ZNF609: variants seen among roughly 807,000 people sequenced by gnomAD.
ZNF609 encodes the protein zinc finger protein 609.
ZNF609 carries 11 observed loss-of-function variants against 109.5 expected under a neutral mutation model. That is an observed-to-expected ratio of 0.10 (90% confidence interval 0.06 to 0.17). The LOEUF is 0.17. Among genes scored for constraint, ZNF609 ranks in the 10% least tolerant of loss-of-function variants. ZNF609 has a pLI of 1.00. For synonymous variants in ZNF609, 646 were observed against 662.0 expected (o/e 0.98, Z 0.37); for missense variants, 1,559 against 1,772.4 (o/e 0.88, Z 2.16).
chr15:64,547,211 C>G (rs1326486866), intron 2 of ZNF609, among the ~76,000 whole-genome samples: 1 of 152,154 alleles, frequency 6.6e-6, no homozygotes, highest in Non-Finnish European at 1.5e-5. Context: ...TGTCAATTAG[C>G]CCTTATTTCT....
At chr15:64,612,282 G>C (rs1256345156) in intron 2 of ZNF609, among the ~76,000 whole-genome samples, 1 of 150,854 alleles carries the variant, frequency 6.6e-6, no homozygotes, top group African/African-American at 2.4e-5. Flanking sequence ...CGAGTAGCTG[G>C]GACTACAGGT....
At chr15:64,562,418 C>T (rs1280713334) in intron 2 of ZNF609, among the ~76,000 whole-genome samples, 1 of 152,170 alleles carries the variant, frequency 6.6e-6, no homozygotes, top group Non-Finnish European at 1.5e-5. Flanking sequence ...TAGAAAGAAG[C>T]AGAAGTTGAT....
intron 2 of ZNF609, among the ~76,000 whole-genome samples, chr15:64,616,544 G>A (rs1309990435): frequency 8.1e-6 from 1 of 122,972 alleles, no homozygotes; most frequent in Non-Finnish European, 1.6e-5. Flanking sequence ...TTTTGAGATG[G>A]AGTCTCACTC....
At chr15:64,676,367 G>C (rs1034367569) in intron 5 of ZNF609, 111 bp downstream of exon 5, 5 of 932,328 alleles carry the variant, frequency 5.4e-6, no homozygotes, top group Non-Finnish European at 7.8e-6. Context: ...ATTAGCAGGA[G>C]AGATGTATAA....
intron 3 of ZNF609, among the ~76,000 whole-genome samples, chr15:64,643,441 G>A (rs780117566): frequency 1.3e-5 from 2 of 152,048 alleles, no homozygotes; most frequent in Admixed American, 6.6e-5. Flanking sequence ...CCCTTACTCC[G>A]AACATCAGTA....
intron 2 of ZNF609, among the ~76,000 whole-genome samples, chr15:64,506,359 G>A (rs372247113): frequency 2.1e-4 from 32 of 151,312 alleles, no homozygotes; most frequent in East Asian, 1.8e-3. Context: ...CTGGGCTCAA[G>A]TGATCCACCC....
intron 3 of ZNF609, among the ~76,000 whole-genome samples, chr15:64,629,073 C>T (rs1292740991): frequency 6.6e-6 from 1 of 152,206 alleles, no homozygotes; most frequent in East Asian, 1.9e-4. Context: ...TTGAAACTCT[C>T]CTCTCTTGCC....
intron 2 of ZNF609, among the ~76,000 whole-genome samples, chr15:64,564,204 T>C (rs1385591284): frequency 6.6e-6 from 1 of 151,686 alleles, no homozygotes; most frequent in Admixed American, 6.6e-5. Flanking sequence ...GCTGTGTTGG[T>C]TATCAGATCA....
chr15:64,586,729 A>G (rs1475854067), intron 2 of ZNF609, among the ~76,000 whole-genome samples: 1 of 152,096 alleles, frequency 6.6e-6, no homozygotes. Context: ...CCACTGCTTT[A>G]TAGGAATACT....
intron 2 of ZNF609, among the ~76,000 whole-genome samples, chr15:64,613,308 C>G (rs1032905685): frequency 2.6e-5 from 4 of 151,544 alleles, no homozygotes; most frequent in African/African-American, 9.7e-5. Context: ...GACCCTGTCT[C>G]AGAAAAAAAA....
At chr15:64,542,751 C>A (rs933835640) in intron 2 of ZNF609, among the ~76,000 whole-genome samples, 1 of 152,186 alleles carries the variant, frequency 6.6e-6, no homozygotes, top group Admixed American at 6.5e-5. Context: ...AATATCCACC[C>A]TCCTTCTCTC....
chr15:64,532,865 A>G (rs1445408391), intron 2 of ZNF609, among the ~76,000 whole-genome samples: 1 of 152,186 alleles, frequency 6.6e-6, no homozygotes, highest in East Asian at 1.9e-4. Flanking sequence ...AGCCTTCAGC[A>G]TTCAGTATGT....
intron 3 of ZNF609, among the ~76,000 whole-genome samples, chr15:64,669,190 C>G (rs1257333376): frequency 1.3e-5 from 2 of 152,038 alleles, no homozygotes; most frequent in Non-Finnish European, 2.9e-5. Context: ...TACAAGTGCA[C>G]TGTGATTAAC....
intron 2 of ZNF609, among the ~76,000 whole-genome samples, chr15:64,617,100 G>A (rs370025457): frequency 2.4e-4 from 37 of 151,714 alleles, no homozygotes; most frequent in African/African-American, 7.7e-4. Flanking sequence ...GAGCCACTGC[G>A]TCCGGCCTTA....
At chr15:64,573,541 T>A (rs1038692165) in intron 2 of ZNF609, among the ~76,000 whole-genome samples, 5 of 150,466 alleles carry the variant, frequency 3.3e-5, no homozygotes, top group African/African-American at 1.2e-4. Context: ...TTTTTTTTTG[T>A]ATTTTTAGTA....
At chr15:64,478,440 G>T (rs1363252812) in intron 1 of ZNF609, among the ~76,000 whole-genome samples, 2 of 151,808 alleles carry the variant, frequency 1.3e-5, no homozygotes, top group Non-Finnish European at 2.9e-5. Flanking sequence ...TTGCGATCTC[G>T]GCTCACTGCA....
At chr15:64,551,434 T>TA (rs1894470942) in intron 2 of ZNF609, among the ~76,000 whole-genome samples, 2 of 152,254 alleles carry the variant, frequency 1.3e-5, no homozygotes, top group South Asian at 4.1e-4. Context: ...GGCAGGCGGA[T>TA]AACCTGAGGT....
intron 1 of ZNF609, among the ~76,000 whole-genome samples, chr15:64,491,866 T>C (rs540712048): frequency 2.7e-5 from 4 of 149,844 alleles, no homozygotes; most frequent in African/African-American, 9.8e-5. Context: ...AATAAAACCA[T>C]GAGTCTTGAG....
chr15:64,645,969 G>A (rs1393434570), intron 3 of ZNF609, among the ~76,000 whole-genome samples: 2 of 152,156 alleles, frequency 1.3e-5, no homozygotes, highest in African/African-American at 2.4e-5. Flanking sequence ...GTGGAAAACA[G>A]TTTGGTGGAT....
Sources: gnomAD v4.1 joint callset for allele counts (sites outside exome capture counted in the v4.1 genomes callset) on GRCh38, gnomAD v4.1.1 for gene constraint, MANE v1.5 for transcripts, NCBI Gene and HGNC (gene_info 2026-07-23, HGNC 2026-07-21) for gene names.